Variants in ARB2A observed in about 807,000 individuals in gnomAD.
The protein encoded by ARB2A is ARB2 cotranscriptional regulator A.
At chr5:93,704,419 T>C in the ARB2A span, among the ~76,000 whole-genome samples, 6 of 152,006 alleles carry the variant, frequency 3.9e-5, no homozygotes, top group Admixed American at 3.3e-4. Context: ...ATAAAATTAG[T>C]TGGGCCTTGT....
chr5:93,854,706 GT>G, the ARB2A span, among the ~76,000 whole-genome samples: 7 of 152,056 alleles, frequency 4.6e-5, no homozygotes, highest in East Asian at 1.9e-4. Flanking sequence ...CCTTCATTTC[GT>G]TTTATGTACC....
the ARB2A span, chr5:93,881,616 G>A: frequency 6.2e-7 from 1 of 1,607,220 alleles, no homozygotes; most frequent in Non-Finnish European, 8.5e-7. Context: ...GATGATGACT[G>A]TACGTGTATC....
At chr5:93,779,496 C>A in the ARB2A span, among the ~76,000 whole-genome samples, 1 of 152,122 alleles carries the variant, frequency 6.6e-6, no homozygotes, top group Admixed American at 6.6e-5. Flanking sequence ...AAAGCCCTAT[C>A]TAAATTCAAA....
chr5:93,705,609 A>ATGTGTGTGTGTGTGTGTG, the ARB2A span, among the ~76,000 whole-genome samples: 74 of 128,772 alleles, frequency 5.7e-4, no homozygotes, highest in Admixed American at 3.2e-4. Flanking sequence ...TTGGGAAAAA[A>ATGTGTGTGTGTGTGTGTG]TGTGTGTGTG....
chr5:93,634,937 G>C, the ARB2A span, among the ~76,000 whole-genome samples: 1 of 152,104 alleles, frequency 6.6e-6, no homozygotes, highest in Admixed American at 6.6e-5. Context: ...ACCACGCCCG[G>C]CTAATTTTGT....
the ARB2A span, among the ~76,000 whole-genome samples, chr5:93,649,523 G>A: frequency 6.6e-6 from 1 of 152,142 alleles, no homozygotes; most frequent in African/African-American, 2.4e-5. Flanking sequence ...CTGGAAACCA[G>A]GAAGGTAAAT....
At chr5:93,833,960 G>C in the ARB2A span, among the ~76,000 whole-genome samples, 1 of 152,166 alleles carries the variant, frequency 6.6e-6, no homozygotes, top group Non-Finnish European at 1.5e-5. Context: ...GTATTCAACA[G>C]TTAGTATTTT....
At chr5:93,915,580 T>A in the ARB2A span, among the ~76,000 whole-genome samples, 1 of 152,010 alleles carries the variant, frequency 6.6e-6, no homozygotes, top group Admixed American at 6.6e-5. Context: ...GAAGTTGTCA[T>A]GGATCATGAA....
At chr5:93,730,414 T>C in the ARB2A span, among the ~76,000 whole-genome samples, 2 of 152,042 alleles carry the variant, frequency 1.3e-5, no homozygotes, top group Admixed American at 1.3e-4. Context: ...AGGTAATACA[T>C]ATTTAGCAAG....
chr5:93,962,563 T>C, the ARB2A span, among the ~76,000 whole-genome samples: 1 of 152,090 alleles, frequency 6.6e-6, no homozygotes, highest in Admixed American at 6.6e-5. Context: ...TTTGATGGTA[T>C]TCTTTAAGTA....
chr5:93,762,702 G>A, the ARB2A span, among the ~76,000 whole-genome samples: 21 of 152,152 alleles, frequency 1.4e-4, no homozygotes, highest in Middle Eastern at 6.8e-3. Flanking sequence ...TACAGAGAAC[G>A]CCACAAAGAT....
the ARB2A span, among the ~76,000 whole-genome samples, chr5:93,763,781 T>C: frequency 6.6e-6 from 1 of 152,242 alleles, no homozygotes; most frequent in East Asian, 1.9e-4. Context: ...ATTCCAAAAT[T>C]CACCACACAG....
chr5:93,619,029 C>T, the ARB2A span: 1 of 152,162 alleles, frequency 6.6e-6, no homozygotes, highest in Non-Finnish European at 1.5e-5. Flanking sequence ...AAACACAACA[C>T]AATTTATAAT....
At chr5:93,664,384 G>A in the ARB2A span, among the ~76,000 whole-genome samples, 1 of 152,002 alleles carries the variant, frequency 6.6e-6, no homozygotes, top group Admixed American at 6.5e-5. Flanking sequence ...AAGTATGTTA[G>A]AGGCCATCAC....
chr5:93,896,938 T>G, the ARB2A span, among the ~76,000 whole-genome samples: 3 of 152,048 alleles, frequency 2.0e-5, no homozygotes, highest in Admixed American at 6.6e-5. Flanking sequence ...ACAATATTAA[T>G]TAAATAAAAT....
the ARB2A span, among the ~76,000 whole-genome samples, chr5:93,711,229 A>T: frequency 6.8e-5 from 10 of 146,942 alleles, no homozygotes; most frequent in African/African-American, 2.3e-4. Flanking sequence ...GGTCACATAC[A>T]TATCTCCCCC....
the ARB2A span, among the ~76,000 whole-genome samples, chr5:93,720,932 C>A: frequency 1.4e-4 from 21 of 152,026 alleles, no homozygotes; most frequent in Non-Finnish European, 2.8e-4. Flanking sequence ...TACCCACCTT[C>A]ATGTGTATAT....
the ARB2A span, among the ~76,000 whole-genome samples, chr5:93,907,427 T>A: frequency 0.1 from 15,802 of 151,414 alleles, 957 homozygotes; most frequent in Middle Eastern, 0.16. Flanking sequence ...TCAGAGCACC[T>A]TCCCCCAAAT....
chr5:93,780,331 T>A, the ARB2A span, among the ~76,000 whole-genome samples: 2 of 152,176 alleles, frequency 1.3e-5, no homozygotes, highest in Non-Finnish European at 2.9e-5. Context: ...TGGGAAACAT[T>A]TGCCCACTCA....
Sources: gnomAD v4.1 joint callset for allele counts (sites outside exome capture counted in the v4.1 genomes callset) on GRCh38, gnomAD v4.1.1 for gene constraint, MANE v1.5 for transcripts, NCBI Gene and HGNC (gene_info 2026-07-23, HGNC 2026-07-21) for gene names.